The following FSTL4 variants were observed in gnomAD, a reference collection of about 807,000 sequenced individuals.
The protein encoded by FSTL4 is follistatin like 4.
FSTL4 carries 28 observed loss-of-function variants against 78.2 expected under a neutral mutation model. That is an observed-to-expected ratio of 0.36 (90% CI 0.27 to 0.49). The LOEUF is 0.49. Among genes scored for constraint, FSTL4 ranks in the 20% least tolerant of loss-of-function variants. The pLI is 0.98. For missense variants in FSTL4, 922 were observed against 1,084.9 expected (o/e 0.85, Z 2.11); for synonymous variants, 422 against 440.5 (o/e 0.96, Z 0.53).
chr5:133,421,934 A>G (rs1409067711), intron 3 of FSTL4, among the ~76,000 whole-genome samples: 1 of 152,230 alleles, frequency 6.6e-6, no homozygotes, highest in Non-Finnish European at 1.5e-5. Flanking sequence ...GAAGAAAAAG[A>G]AAACTAAAAA....
upstream of FSTL4, among the ~76,000 whole-genome samples, chr5:133,612,748 G>T (rs140036060): frequency 6.6e-6 from 1 of 152,088 alleles, no homozygotes; most frequent in Non-Finnish European, 1.5e-5. The surrounding 1 kb of genome is among the most constrained non-coding windows in gnomAD (Gnocchi z 6.2). Context: ...CCAGCGTAGC[G>T]CTCCTGCCTC....
intron 2 of FSTL4, among the ~76,000 whole-genome samples, chr5:133,572,973 G>A (rs937012048): frequency 2.0e-5 from 3 of 152,154 alleles, no homozygotes; most frequent in Admixed American, 2.0e-4. Context: ...GGCTGGGCGA[G>A]GTGACTCATG....
At chr5:133,679,771 T>C in the FSTL4 span, among the ~76,000 whole-genome samples, 631 of 152,190 alleles carry the variant, frequency 4.1e-3, 3 homozygotes, top group African/African-American at 0.014. Context: ...CTCCTGCTTG[T>C]TCCTTAGTCT....
the FSTL4 span, among the ~76,000 whole-genome samples, chr5:133,650,778 C>T: frequency 2.0e-5 from 3 of 152,142 alleles, no homozygotes; most frequent in Admixed American, 6.5e-5. Flanking sequence ...GGGTCTTTTG[C>T]CCCTCCATAT....
At chr5:133,330,557 C>T (rs1048519741) in intron 4 of FSTL4, among the ~76,000 whole-genome samples, 1 of 152,196 alleles carries the variant, frequency 6.6e-6, no homozygotes, top group Non-Finnish European at 1.5e-5. Flanking sequence ...ATGATCCAAT[C>T]ACCTCCTACC....
At chr5:133,812,780 A>C in the FSTL4 span, among the ~76,000 whole-genome samples, 5 of 152,144 alleles carry the variant, frequency 3.3e-5, no homozygotes, top group Non-Finnish European at 5.9e-5. Context: ...GGGGTGTAGG[A>C]GCTTACCTGC....
intron 3 of FSTL4, among the ~76,000 whole-genome samples, chr5:133,429,679 T>C (rs933090584): frequency 2.0e-4 from 30 of 152,258 alleles, no homozygotes; most frequent in African/African-American, 7.2e-4. Context: ...GTTTCTGGAC[T>C]CTTGGATGCA....
intron 3 of FSTL4, among the ~76,000 whole-genome samples, chr5:133,565,204 G>A (rs10479045): frequency 0.012 from 1,890 of 152,298 alleles, 40 homozygotes; most frequent in African/African-American, 0.043. Flanking sequence ...CAACCCAGGT[G>A]TTCATTGCTA....
In FSTL4 at chr5:133,255,113, C is replaced by T. The variant is rs138118599; in HGVS notation, c.728-5537G>A. On this transcript the variant is annotated intron_variant, in intron 6 of 15. Transcript: ENST00000265342. ...ACTATGTGGGAAGGTTTCCAAGGTC[C>T]CTGGACGACCAAACGTGATATGCCC... Among the ~76,000 whole-genome samples the T allele has an allele frequency of 2.9e-3, 444 of 152,334 alleles. 2 individuals carry two copies. Among genetic ancestry groups the T allele is most frequent in the African/African-American group, 0.01 (432 of 41,578 alleles).
chr5:133,829,146 T>C, the FSTL4 span, among the ~76,000 whole-genome samples: 2 of 152,098 alleles, frequency 1.3e-5, no homozygotes, highest in South Asian at 4.2e-4. Context: ...TCCCAGCACT[T>C]TGGGAGGCCA....
the FSTL4 span, among the ~76,000 whole-genome samples, chr5:133,637,176 T>A: frequency 6.6e-6 from 1 of 152,118 alleles, no homozygotes; most frequent in Non-Finnish European, 1.5e-5. Flanking sequence ...CAGACTGGAC[T>A]TGATGTCATA....
At chr5:133,245,650 G>A (rs984742851) in intron 7 of FSTL4, among the ~76,000 whole-genome samples, 1 of 152,136 alleles carries the variant, frequency 6.6e-6, no homozygotes, top group African/African-American at 2.4e-5. Context: ...CTCTGGTACG[G>A]AGCTTGTGAC....
the FSTL4 span, among the ~76,000 whole-genome samples, chr5:133,776,420 G>A: frequency 6.6e-6 from 1 of 152,148 alleles, no homozygotes; most frequent in Non-Finnish European, 1.5e-5. Context: ...CAGTCCTAAA[G>A]GTAGTAATGG....
In FSTL4 at chr5:133,338,407, G is replaced by A. The variant is rs867541762; in HGVS notation, c.410-21755C>T. On this transcript the variant is annotated intron_variant, in intron 4 of 15. Transcript: ENST00000265342. This position sits in a 1 kb window ranked among gnomAD's most constrained non-coding sequence, Gnocchi z 4.0. ...TTCTCAGGCCCTTTTAAAGGTGGTC[G>A]TTGCTGAGAGTATTTGGCTGCTTCT... is the stretch of plus-strand genomic sequence containing the variant. Among the ~76,000 whole-genome samples, 3 of 152,130 alleles carry A rather than the reference G, an allele frequency of 2.0e-5. No homozygotes were observed. The highest frequency in any genetic ancestry group is 6.5e-5 in the Admixed American group (1 of 15,278).
chr5:133,798,106 G>A, the FSTL4 span, among the ~76,000 whole-genome samples: 30 of 152,264 alleles, frequency 2.0e-4, no homozygotes, highest in African/African-American at 5.8e-4. Flanking sequence ...AATCCTATGT[G>A]GCCCTCCACT....
chr5:133,747,473 C>T, the FSTL4 span, among the ~76,000 whole-genome samples: 11 of 152,082 alleles, frequency 7.2e-5, no homozygotes, highest in African/African-American at 2.2e-4. Context: ...GTAGCAACCT[C>T]TCATTGTACA....
chr5:133,688,398 A>G, the FSTL4 span, among the ~76,000 whole-genome samples: 3,611 of 152,292 alleles, frequency 0.024, 153 homozygotes, highest in African/African-American at 0.083. Flanking sequence ...GGGTGACAGA[A>G]CGAGACTCCG....
chr5:133,573,038 A>G (rs901276987), intron 2 of FSTL4, among the ~76,000 whole-genome samples: 1 of 152,094 alleles, frequency 6.6e-6, no homozygotes, highest in African/African-American at 2.4e-5. Flanking sequence ...AGGTCAGGAG[A>G]TCGAGACCAT....
chr5:133,450,123 T>C (rs1757351476), intron 3 of FSTL4, among the ~76,000 whole-genome samples: 1 of 152,194 alleles, frequency 6.6e-6, no homozygotes, highest in Non-Finnish European at 1.5e-5. Context: ...TTTACTTAGG[T>C]TCCTCACCAA....
Sources: gnomAD v4.1 joint callset for allele counts (sites outside exome capture counted in the v4.1 genomes callset) on GRCh38, gnomAD v4.1.1 for gene constraint, Gnocchi (gnomAD v3.1) non-coding constraint, MANE v1.5 for transcripts, NCBI Gene and HGNC (gene_info 2026-07-23, HGNC 2026-07-21) for gene names.